ZNF266: variants seen among roughly 807,000 people sequenced by gnomAD.
The protein encoded by ZNF266 is zinc finger protein 1.
Under a neutral mutation model 16.4 loss-of-function variants are expected in ZNF266, and 16 were observed. The ratio of observed to expected loss-of-function variants is 0.98; its 90% CI spans 0.66 to 1.48. The LOEUF (loss-of-function observed/expected upper bound fraction) is 1.48, where lower values mean the gene tolerates loss of function less well. Ranked by LOEUF, ZNF266 falls within the 40% of genes most tolerant of loss-of-function variation. The probability of loss-of-function intolerance (pLI) is 0.00; values close to 1 mark genes in which losing one functional copy is unlikely to be tolerated. For missense variants in ZNF266, 738 were observed against 689.1 expected, an observed-to-expected ratio of 1.07 and a Z score of -0.79; for synonymous variants, 262 against 237.9, an observed-to-expected ratio of 1.10 and a Z score of -0.93.
chr19:9,427,974 A>G (rs1465837283), intron 5 of ZNF266, among the ~76,000 whole-genome samples: 1 of 107,370 alleles, frequency 9.3e-6, no homozygotes, highest in Non-Finnish European at 2.1e-5. Flanking sequence ...AAGAAAAAAA[A>G]AAGAAAACGG....
At chr19:9,415,802 A>C in intron 9 of ZNF266, 60 bp from the exon 10 acceptor site, 1 of 1,375,360 alleles carries the variant, frequency 7.3e-7, no homozygotes, top group Admixed American at 1.7e-5. Flanking sequence ...ATGGAGCTGA[A>C]AATGAGAGGG....
intron 5 of ZNF266, among the ~76,000 whole-genome samples, chr19:9,422,903 G>A (rs1375260894): frequency 1.3e-5 from 2 of 152,146 alleles, no homozygotes; most frequent in Non-Finnish European, 2.9e-5. Flanking sequence ...TCAAAAATGT[G>A]GAATGAACCA....
At chr19:9,418,155 A>G (rs535884509) in intron 8 of ZNF266, among the ~76,000 whole-genome samples, 1 of 152,400 alleles carries the variant, frequency 6.6e-6, no homozygotes, top group East Asian at 1.9e-4. Flanking sequence ...TAAGTGAAAC[A>G]AAGAGATCTT....
intron 5 of ZNF266, among the ~76,000 whole-genome samples, chr19:9,433,047 T>C (rs1221704840): frequency 6.6e-6 from 1 of 151,906 alleles, no homozygotes; most frequent in Non-Finnish European, 1.5e-5. Context: ...CACACACACA[T>C]AGTGGGACAA....
At position 9,418,725 on chromosome 19, in the gene ZNF266, T is replaced by TGGGGTA. The variant is rs1568409460; in HGVS notation, c.109-95_109-94insTACCCC. On this transcript the variant is annotated intron_variant, in intron 7 of 10. Transcript: ENST00000592904. ...TACCTACAGAGTCTGAGGGCTCACA[T>TGGGGTA]TGCCCACCCCAGGAGGTCCTCTCTA... 4.6e-6 allele frequency: 3 copies of TGGGGTA among 654,356 alleles called. No individual in the cohort carries two copies. The African/African-American group carries it at 5.4e-5, about 12-fold the overall frequency. 40.5% of individuals were successfully genotyped at this position (654,356 alleles called of 1,614,324 possible). A position where few individuals can be genotyped will look rare whatever the true frequency, so the allele number is the denominator to read the frequency against.
chr19:9,429,134 A>T (rs2071210503), intron 5 of ZNF266, among the ~76,000 whole-genome samples: 2 of 152,172 alleles, frequency 1.3e-5, no homozygotes, highest in Admixed American at 6.5e-5. Context: ...GTTTCACTGA[A>T]AGACAGAAAA....
At chr19:9,421,548 G>C (rs2069888529) in intron 5 of ZNF266, among the ~76,000 whole-genome samples, 1 of 152,138 alleles carries the variant, frequency 6.6e-6, no homozygotes, top group South Asian at 2.1e-4. Flanking sequence ...GCCCCTTCCA[G>C]TCTATCTTTT....
intron 5 of ZNF266, among the ~76,000 whole-genome samples, chr19:9,432,639 T>A (rs564639686): frequency 7.2e-5 from 11 of 152,318 alleles, no homozygotes; most frequent in African/African-American, 1.2e-4. Context: ...AAAACATCAC[T>A]AAACTTCTAA....
chr19:9,420,347 A>C (rs1186332815), intron 5 of ZNF266, 129 bp from the exon 6 acceptor site: 1 of 152,286 alleles, frequency 6.6e-6, no homozygotes, highest in Non-Finnish European at 1.5e-5. Context: ...TAGGAAGACC[A>C]ACTTCCACTA....
intron 5 of ZNF266, among the ~76,000 whole-genome samples, chr19:9,425,299 C>T (rs747549392): frequency 1.3e-5 from 2 of 152,212 alleles, no homozygotes; most frequent in Non-Finnish European, 2.9e-5. Flanking sequence ...CTCTGGACTT[C>T]CATCAGCCCC....
intron 10 of ZNF266, among the ~76,000 whole-genome samples, chr19:9,415,157 T>A (rs372717590): frequency 1.1e-4 from 17 of 152,252 alleles, no homozygotes; most frequent in African/African-American, 3.4e-4. Flanking sequence ...TAGCCGGGCA[T>A]GGTGGCACGT....
chr19:9,414,086 G>GA lies in ZNF266; in HGVS notation c.1039dup (p.Ser347PhefsTer14). 6.2e-7 allele frequency: 1 copy of GA among 1,613,502 alleles called. No individual in the cohort carries two copies. Among genetic ancestry groups the GA allele is most frequent in the South Asian group, 1.1e-5 (1 of 91,046 alleles). ...TTTCATATGTTGACTTAAGCAAGAGGAAACAGTGAAGGCTCTCCCACAATC... is the reference window on the plus strand; with the variant it reads ...TTTCATATGTTGACTTAAGCAAGAGGAAAACAGTGAAGGCTCTCCCACAATC... On this transcript the variant is annotated frameshift_variant, in exon 11 of 11. Transcript: ENST00000592904. LOFTEE classifies it low-confidence loss of function (END_TRUNC).
chr19:9,433,931 TC>T (rs1393089536), intron 4 of ZNF266, 143 bp downstream of exon 4: 1 of 152,096 alleles, frequency 6.6e-6, no homozygotes, highest in Non-Finnish European at 1.5e-5. Flanking sequence ...TGAGCCGAGA[TC>T]CTGCCACTGC....
chr19:9,414,217 TC>T lies in ZNF266; in HGVS notation c.908del (p.Gly303GlufsTer48). On this transcript the variant is annotated frameshift_variant, in exon 11 of 11. Transcript: ENST00000592904. LOFTEE classifies it low-confidence loss of function (END_TRUNC). ...ACTCCTTACACTCATAGGGATTGTCTCCAGTGTGGGTTCCCATGTGAATATT... is the reference window on the plus strand; with the variant it reads ...ACTCCTTACACTCATAGGGATTGTCTCAGTGTGGGTTCCCATGTGAATATT... ...YLNIHMGTHTGDNPYECKECG... is the reference protein window; with the variant it reads ...YLNIHMGTHTXDNPYECKECG... 4 of 1,614,222 alleles carry T rather than the reference TC, an allele frequency of 2.5e-6. No homozygotes were observed. The highest frequency in any genetic ancestry group is 3.4e-6 in the Non-Finnish European group (4 of 1,180,040).
chr19:9,418,434 G>T, intron 8 of ZNF266, 71 bp downstream of exon 8: 1 of 1,510,170 alleles, frequency 6.6e-7, no homozygotes, highest in Non-Finnish European at 9.2e-7. Context: ...TGCTATCTCT[G>T]ATGTGCAATA....
At chr19:9,423,298 TC>T (rs2070212507) in intron 5 of ZNF266, among the ~76,000 whole-genome samples, 1 of 152,204 alleles carries the variant, frequency 6.6e-6, no homozygotes, top group South Asian at 2.1e-4. Context: ...CAGGAAATTG[TC>T]AAAGACTCAT....
chr19:9,431,913 G>A (rs2071663851), intron 5 of ZNF266, among the ~76,000 whole-genome samples: 1 of 152,146 alleles, frequency 6.6e-6, no homozygotes, highest in South Asian at 2.1e-4. Context: ...AAGCAAAAAT[G>A]AAGAGAATGC....
rs1190520799 is a variant in ZNF266 at position 9,435,373 on chromosome 19, C to A, written c.-647G>T. ...CCTGGCGGCGCCAGGAGGACCCGCG[C>A]GGCCCCGGCGGACGCGAGCGGAGCA... On this transcript the variant is annotated 5_prime_UTR_variant, in exon 1 of 11. Transcript: ENST00000592904. The A allele has an allele frequency of 1.3e-5, 2 of 152,206 alleles. No homozygotes were observed. Among genetic ancestry groups the A allele is most frequent in the Non-Finnish European group, 2.9e-5 (2 of 68,064 alleles). The allele number at this position is 152,206 out of a possible 1,614,324, so 9.4% of individuals were successfully genotyped here. A position where few individuals can be genotyped will look rare whatever the true frequency, so the allele number is the denominator to read the frequency against.
At chr19:9,433,216 A>G (rs1372004696) in intron 5 of ZNF266, among the ~76,000 whole-genome samples, 2 of 152,196 alleles carry the variant, frequency 1.3e-5, no homozygotes, top group Admixed American at 6.5e-5. Context: ...GTTATAATTA[A>G]CAGACATTAT....
Sources: allele counts gnomAD v4.1 joint callset (sites outside exome capture counted in the v4.1 genomes callset), GRCh38; gene constraint gnomAD v4.1.1; transcripts MANE v1.5; gene names NCBI Gene and HGNC (gene_info 2026-07-23, HGNC 2026-07-21).